CACNA2D1: variants seen among roughly 807,000 people sequenced by gnomAD.
The protein encoded by CACNA2D1 is calcium voltage-gated channel auxiliary subunit alpha2delta 1.
Under a neutral mutation model 171.5 loss-of-function variants are expected in CACNA2D1, and 53 were observed. The ratio of observed to expected loss-of-function variants is 0.31; its 90% CI spans 0.25 to 0.39. CACNA2D1 has a LOEUF of 0.39. CACNA2D1 is among the 10% of genes least tolerant of loss of function. The pLI is 1.00. For missense variants in CACNA2D1, 903 were observed against 1,299.8 expected (o/e 0.69, Z 4.69); for synonymous variants, 442 against 443.1 (o/e 1.00, Z 0.03).
At chr7:82,400,991 CA>C (rs1826337042) in intron 1 of CACNA2D1, among the ~76,000 whole-genome samples, 1 of 152,130 alleles carries the variant, frequency 6.6e-6, no homozygotes, top group Admixed American at 6.5e-5. Flanking sequence ...AAATGCAAAT[CA>C]AAACCACAAT....
chr7:82,251,215 T>C (rs998660181), intron 3 of CACNA2D1, among the ~76,000 whole-genome samples: 1 of 152,152 alleles, frequency 6.6e-6, no homozygotes, highest in African/African-American at 2.4e-5. Flanking sequence ...TTGTATAATT[T>C]CCACATTTTT....
intron 9 of CACNA2D1, among the ~76,000 whole-genome samples, chr7:82,063,443 A>C (rs1562987876): frequency 6.6e-6 from 1 of 152,164 alleles, no homozygotes. Flanking sequence ...TTGGACAACT[A>C]AATTAAATTG....
At chr7:81,966,256 G>A (rs1361830188) in intron 31 of CACNA2D1, among the ~76,000 whole-genome samples, 2 of 151,646 alleles carry the variant, frequency 1.3e-5, no homozygotes, top group East Asian at 1.9e-4. Flanking sequence ...TTTAAATCAT[G>A]TTTTAATGTA....
chr7:82,386,977 C>T lies in CACNA2D1; in HGVS notation c.96-37328G>A, dbSNP rs1373800012. 3.3e-5 allele frequency among the ~76,000 whole-genome samples: 5 copies of T among 151,954 alleles called. No individual in the cohort carries two copies. The South Asian group carries it at 6.2e-4, about 19-fold the overall frequency. ...AGCAACAAGATTAGCACCCTCTACA[C>T]ACATTCTTAATGTATATAGTATAAA... On this transcript the variant is annotated intron_variant, in intron 1 of 38. Transcript: ENST00000356860.
intron 1 of CACNA2D1, among the ~76,000 whole-genome samples, chr7:82,396,667 T>C (rs776467261): frequency 6.6e-6 from 1 of 152,210 alleles, no homozygotes; most frequent in Non-Finnish European, 1.5e-5. Context: ...CATTATTATC[T>C]TGAAGCTTGA....
intron 3 of CACNA2D1, among the ~76,000 whole-genome samples, chr7:82,242,089 AAG>A (rs1249460030): frequency 6.6e-6 from 1 of 152,122 alleles, no homozygotes; most frequent in Non-Finnish European, 1.5e-5. Context: ...GAGGCTTGCT[AAG>A]AGGGGGAAAA....
At chr7:82,203,049 CT>C (rs966325644) in intron 3 of CACNA2D1, among the ~76,000 whole-genome samples, 9 of 152,114 alleles carry the variant, frequency 5.9e-5, no homozygotes, top group African/African-American at 1.9e-4. Flanking sequence ...CCGGTCCCCC[CT>C]AGGTGCTTCA....
rs145678183 is a variant in CACNA2D1 at position 82,069,407 on chromosome 7, C to T, written c.659-2883G>A. Among the ~76,000 whole-genome samples the T allele has an allele frequency of 5.0e-4, 76 of 152,200 alleles. 1 individual carries two copies. The highest frequency in any genetic ancestry group is 7.6e-4 in the Non-Finnish European group (52 of 67,996). ...AAAGAGAACTGAAAATGACAGTTCA[C>T]AATGTAGACGTCTCTTTTTTGAATG... On this transcript the variant is annotated intron_variant, in intron 7 of 38. Transcript: ENST00000356860.
At chr7:82,129,210 T>C (rs1790679698) in intron 5 of CACNA2D1, among the ~76,000 whole-genome samples, 2 of 152,214 alleles carry the variant, frequency 1.3e-5, no homozygotes, top group South Asian at 4.1e-4. Flanking sequence ...TGAATATCCT[T>C]GAGCAAGTTT....
intron 4 of CACNA2D1, among the ~76,000 whole-genome samples, chr7:82,143,489 A>T (rs2129091991): frequency 6.6e-6 from 1 of 152,330 alleles, no homozygotes; most frequent in South Asian, 2.1e-4. Flanking sequence ...GTTAGGATGC[A>T]ATGTGTCTTT....
At chr7:82,432,624 C>A (rs1006320706) in intron 1 of CACNA2D1, among the ~76,000 whole-genome samples, 31 of 152,298 alleles carry the variant, frequency 2.0e-4, no homozygotes, top group African/African-American at 7.2e-4. Context: ...TACAAGCGAG[C>A]CCTCGCCCAA....
At chr7:82,047,364 A>G (rs1284364086) in intron 10 of CACNA2D1, among the ~76,000 whole-genome samples, 1 of 152,168 alleles carries the variant, frequency 6.6e-6, no homozygotes, top group East Asian at 1.9e-4. Flanking sequence ...AATATGTACA[A>G]TATTTTCATG....
At chr7:82,205,315 A>G (rs1333460208) in intron 3 of CACNA2D1, among the ~76,000 whole-genome samples, 1 of 152,158 alleles carries the variant, frequency 6.6e-6, no homozygotes, top group African/African-American at 2.4e-5. Flanking sequence ...GTGTTTCTTT[A>G]TATATTCATA....
At chr7:82,338,664 A>T (rs1338804179) in intron 2 of CACNA2D1, among the ~76,000 whole-genome samples, 1 of 152,184 alleles carries the variant, frequency 6.6e-6, no homozygotes, top group Non-Finnish European at 1.5e-5. Flanking sequence ...GGGAGTCTGA[A>T]TCACACTTCA....
intron 3 of CACNA2D1, among the ~76,000 whole-genome samples, chr7:82,295,578 A>G (rs1468979051): frequency 1.3e-5 from 2 of 151,232 alleles, no homozygotes; most frequent in Non-Finnish European, 2.9e-5. Context: ...CTAGTCTCGA[A>G]CTCCTGAACT....
intron 3 of CACNA2D1, among the ~76,000 whole-genome samples, chr7:82,222,760 A>G (rs1801909689): frequency 1.3e-5 from 2 of 152,056 alleles, no homozygotes; most frequent in South Asian, 4.1e-4. Context: ...TATCCCAAGC[A>G]TGTAATATAG....
At chr7:82,143,900 C>G (rs258727) in intron 4 of CACNA2D1, among the ~76,000 whole-genome samples, 19,128 of 152,098 alleles carry the variant, frequency 0.13, 1,707 homozygotes, top group African/African-American at 0.25. Context: ...ATGTAGGGTT[C>G]TTTGGTAAAA....
intron 5 of CACNA2D1, among the ~76,000 whole-genome samples, chr7:82,128,886 T>C (rs573096777): frequency 1.5e-4 from 23 of 151,972 alleles, no homozygotes; most frequent in Admixed American, 8.5e-4. Flanking sequence ...TCTTAAGGTA[T>C]TTTTTTTAAT....
chr7:82,442,190 A>T (rs1443712998), intron 1 of CACNA2D1, among the ~76,000 whole-genome samples: 1 of 152,172 alleles, frequency 6.6e-6, no homozygotes, highest in Non-Finnish European at 1.5e-5. Context: ...CTGAATCTTA[A>T]ATAATAGCCG....
Sources: gnomAD v4.1 joint callset for allele counts (sites outside exome capture counted in the v4.1 genomes callset) on GRCh38, gnomAD v4.1.1 for gene constraint, MANE v1.5 for transcripts, NCBI Gene and HGNC (gene_info 2026-07-23, HGNC 2026-07-21) for gene names.